The following MAPK10 variants were observed in gnomAD, a reference collection of about 807,000 sequenced individuals.
The protein encoded by MAPK10 is mitogen-activated protein kinase 10.
In MAPK10, 25 loss-of-function variants were observed where a neutral mutation model predicts 59.3. The observed-to-expected ratio is 0.42, with a 90% CI of 0.31 to 0.59. The LOEUF (loss-of-function observed/expected upper bound fraction) is 0.59, where lower values mean the gene tolerates loss of function less well. MAPK10 is among the 20% of genes least tolerant of loss of function. The pLI is 0.15. For missense variants in MAPK10, 351 were observed against 568.9 expected, an observed-to-expected ratio of 0.62 and a Z score of 3.90; for synonymous variants, 190 against 200.5, an observed-to-expected ratio of 0.95 and a Z score of 0.44.
intron 3 of MAPK10, among the ~76,000 whole-genome samples, chr4:86,169,896 TG>T (rs547357314): frequency 0.016 from 2,361 of 151,152 alleles, 23 homozygotes; most frequent in Non-Finnish European, 0.025. Context: ...CAGAAGAGAG[TG>T]GGGGCCAATA....
chr4:86,413,500 G>T (rs1745466035), intron 1 of MAPK10, among the ~76,000 whole-genome samples: 1 of 152,214 alleles, frequency 6.6e-6, no homozygotes, highest in African/African-American at 2.4e-5. Flanking sequence ...GTTCTGCTAT[G>T]CCCTGCCCCC....
chr4:86,579,350 C>G (rs1762106207), intron 1 of MAPK10, among the ~76,000 whole-genome samples: 1 of 152,064 alleles, frequency 6.6e-6, no homozygotes, highest in Non-Finnish European at 1.5e-5. Flanking sequence ...TAGGTAATTT[C>G]ACATGTTTCA....
intron 3 of MAPK10, among the ~76,000 whole-genome samples, chr4:86,172,862 C>T (rs925949180): frequency 6.6e-6 from 1 of 151,646 alleles, no homozygotes; most frequent in Non-Finnish European, 1.5e-5. Context: ...AACTTCCATT[C>T]ACAATTGCTA....
At chr4:86,474,528 T>C (rs2149067471) in intron 1 of MAPK10, among the ~76,000 whole-genome samples, 1 of 152,342 alleles carries the variant, frequency 6.6e-6, no homozygotes, top group African/African-American at 2.4e-5. Flanking sequence ...AATTATAAAT[T>C]GTCTTTGGCA....
At chr4:86,129,687 T>A (rs1375362638) in intron 4 of MAPK10, among the ~76,000 whole-genome samples, 1 of 152,142 alleles carries the variant, frequency 6.6e-6, no homozygotes, top group Non-Finnish European at 1.5e-5. Flanking sequence ...TTCCTGTTGG[T>A]TGGTGTCATT....
Position 86,103,117 on chromosome 4 carries a change from G to GTGTGTGTA in MAPK10, c.425+68_425+69insTACACACA, listed in dbSNP as rs1553989212. ...TGTGTGTGTGTGTGTGTGTGTGTGT[G>GTGTGTGTA]GTGTGTGATTTTCCCTTGGGCTATC... On this transcript the variant is annotated intron_variant, in intron 6 of 13. Transcript: ENST00000641462. 39 of 743,228 alleles carry GTGTGTGTA rather than the reference G, an allele frequency of 5.2e-5. No homozygotes were observed. The South Asian group carries it at 5.7e-4, about 11-fold the overall frequency. The allele number at this position is 743,228 out of a possible 1,614,324, so 46.0% of individuals were successfully genotyped here. A position where few individuals can be genotyped will look rare whatever the true frequency, so the allele number is the denominator to read the frequency against.
At chr4:86,071,834 CAG>C (rs2048060657) in intron 9 of MAPK10, among the ~76,000 whole-genome samples, 1 of 149,084 alleles carries the variant, frequency 6.7e-6, no homozygotes, top group African/African-American at 2.5e-5. Flanking sequence ...GTGATTCCTC[CAG>C]CTTTGTTCTT....
chr4:86,255,971 A>G (rs2093690430), intron 2 of MAPK10, among the ~76,000 whole-genome samples: 1 of 152,172 alleles, frequency 6.6e-6, no homozygotes, highest in South Asian at 2.1e-4. Context: ...AAAAAATGGA[A>G]GAAGGGAAAA....
At chr4:86,369,898 G>A (rs1004732569) in intron 1 of MAPK10, among the ~76,000 whole-genome samples, 3 of 152,046 alleles carry the variant, frequency 2.0e-5, no homozygotes, top group Non-Finnish European at 2.9e-5. Context: ...CCCAATTTAG[G>A]CACTGTCATA....
At chr4:86,467,946 C>T (rs553443271) in intron 1 of MAPK10, among the ~76,000 whole-genome samples, 35 of 152,270 alleles carry the variant, frequency 2.3e-4, no homozygotes, top group Non-Finnish European at 4.3e-4. Flanking sequence ...TACCTTGCAA[C>T]GAGGCCAGAT....
At chr4:86,308,655 T>C (rs2095613670) in intron 2 of MAPK10, 1 of 152,168 alleles carries the variant, frequency 6.6e-6, no homozygotes, top group Non-Finnish European at 1.5e-5. Context: ...ACCCACAAAC[T>C]ACTTACTGAT....
At chr4:86,067,738 C>T (rs1202632875) in intron 10 of MAPK10, 35 bp downstream of exon 10, 3 of 1,573,566 alleles carry the variant, frequency 1.9e-6, no homozygotes, top group African/African-American at 2.7e-5. Context: ...CCGTCACCCT[C>T]ATAGTTGTCC....
intron 2 of MAPK10, among the ~76,000 whole-genome samples, chr4:86,258,769 C>A (rs1563700230): frequency 6.6e-6 from 1 of 152,090 alleles, no homozygotes; most frequent in Non-Finnish European, 1.5e-5. Context: ...TATCTCTCTC[C>A]TTTAACCTCA....
intron 1 of MAPK10, among the ~76,000 whole-genome samples, chr4:86,419,723 A>C (rs1471843205): frequency 6.6e-6 from 1 of 151,992 alleles, no homozygotes; most frequent in Non-Finnish European, 1.5e-5. Context: ...GTTTCAAATC[A>C]CCTCTCAGTG....
chr4:86,210,898 G>A (rs953425186), intron 2 of MAPK10, among the ~76,000 whole-genome samples: 11 of 149,324 alleles, frequency 7.4e-5, no homozygotes, highest in African/African-American at 2.7e-4. Context: ...TCCTAAAAAG[G>A]AAAAAAAAGA....
chr4:86,560,681 T>C (rs901478258), intron 1 of MAPK10, among the ~76,000 whole-genome samples: 1 of 152,244 alleles, frequency 6.6e-6, no homozygotes, highest in Non-Finnish European at 1.5e-5. Context: ...ATTTAAGTGA[T>C]GCAGTAAGCT....
At chr4:86,263,209 C>G (rs1207986176) in intron 2 of MAPK10, among the ~76,000 whole-genome samples, 1 of 152,190 alleles carries the variant, frequency 6.6e-6, no homozygotes, top group East Asian at 1.9e-4. Flanking sequence ...TTCTCTATAT[C>G]CTGTCCACAT....
intron 4 of MAPK10, among the ~76,000 whole-genome samples, chr4:86,148,361 A>G (rs772680107): frequency 2.0e-5 from 3 of 152,196 alleles, no homozygotes; most frequent in African/African-American, 4.8e-5. Context: ...CTTCATATAA[A>G]TACCCGAAGC....
intron 1 of MAPK10, among the ~76,000 whole-genome samples, chr4:86,375,698 G>C (rs1408625484): frequency 1.0e-5 from 1 of 100,254 alleles, no homozygotes; most frequent in Admixed American, 1.7e-4. Flanking sequence ...TAGGGTGACA[G>C]AGCAAGGTCC....
Sources: allele counts gnomAD v4.1 joint callset (sites outside exome capture counted in the v4.1 genomes callset), GRCh38; gene constraint gnomAD v4.1.1; transcripts MANE v1.5; gene names NCBI Gene and HGNC (gene_info 2026-07-23, HGNC 2026-07-21).